Variants in MED12L observed in about 807,000 individuals in gnomAD.
The protein encoded by MED12L is mediator of RNA polymerase II transcription subunit 12-like protein.
A neutral mutation model predicts 281.3 loss-of-function variants in MED12L; 60 were observed. The ratio of observed to expected loss-of-function variants is 0.21; its 90% CI spans 0.17 to 0.26. MED12L has a LOEUF of 0.26. Among genes scored for constraint, MED12L ranks in the 10% least tolerant of loss-of-function variants. The pLI is 1.00. For synonymous variants in MED12L, 974 were observed against 987.2 expected (o/e 0.99, Z 0.25); for missense variants, 2,146 against 2,680.9 (o/e 0.80, Z 4.41).
chr3:151,293,638 T>TACAC (rs199892582), intron 16 of MED12L, among the ~76,000 whole-genome samples: 2,170 of 99,596 alleles, frequency 0.022, 50 homozygotes, highest in African/African-American at 0.047. Context: ...ATGAAGCCCT[T>TACAC]ACACACACAC....
At position 151,436,131 on chromosome 3, in the gene MED12L, A is replaced by AT. The variant is rs1190161028; in HGVS notation, c.*3332dup. On this transcript the variant is annotated 3_prime_UTR_variant, in exon 45 of 45. Coordinates refer to ENST00000687756, the MANE Select transcript of MED12L (RefSeq NM_001393769.1). ...TATTTTTAAATGCAGTTATTAAAAC[A>AT]TTTTTGTATTCCCCATCAATGAAAA... The AT allele has an allele frequency of 6.6e-6, 1 of 152,284 alleles. No homozygotes were observed. Among genetic ancestry groups the AT allele is most frequent in the Non-Finnish European group, 1.5e-5 (1 of 68,096 alleles). The allele number at this position is 152,284 out of a possible 1,614,324, so 9.4% of individuals were successfully genotyped here.
chr3:151,311,721 A>G (rs771666444), intron 16 of MED12L, among the ~76,000 whole-genome samples: 36 of 152,268 alleles, frequency 2.4e-4, no homozygotes, highest in Non-Finnish European at 3.4e-4. Flanking sequence ...CTATATAAAT[A>G]TATCTAGTAA....
intron 5 of MED12L, among the ~76,000 whole-genome samples, chr3:151,138,283 C>G (rs1340631108): frequency 6.6e-6 from 1 of 151,630 alleles, no homozygotes; most frequent in African/African-American, 2.4e-5. Flanking sequence ...TTTGGCCAGT[C>G]CCTTGTTTTT....
At chr3:151,340,538 C>T (rs1164088472) in intron 16 of MED12L, 1 of 152,510 alleles carries the variant, frequency 6.6e-6, no homozygotes, top group African/African-American at 2.4e-5. Flanking sequence ...AAAAAATGTA[C>T]ACACATATCA....
At chr3:151,348,843 C>T (rs1445269434) in intron 16 of MED12L, among the ~76,000 whole-genome samples, 1 of 152,158 alleles carries the variant, frequency 6.6e-6, no homozygotes, top group Non-Finnish European at 1.5e-5. Context: ...GTGCAGAGTA[C>T]ACATGTGAAG....
chr3:151,138,079 T>A (rs888807789), intron 5 of MED12L, among the ~76,000 whole-genome samples: 2 of 152,212 alleles, frequency 1.3e-5, no homozygotes, highest in African/African-American at 4.8e-5. Context: ...TCTTCCAGTT[T>A]TTATTTTTGC....
At chr3:151,350,291 A>G in intron 17 of MED12L, 85 bp downstream of exon 17, 7 of 1,344,536 alleles carry the variant, frequency 5.2e-6, no homozygotes, top group Non-Finnish European at 7.2e-6. Context: ...GTTCTATGTC[A>G]CTGTCAACAG....
chr3:151,360,487 G>A lies in MED12L; in HGVS notation c.2839G>A (p.Val947Ile). ...AQVFEGLCGV[V>I]KHVVNPSECS... ...TTTTCTCCTCAGGTTGTGTGGTGTG[G>A]TCAAGCATGTCGTAAACCCCTCAGA... The change falls in exon 21 of 45, where the codon GTC becomes ATC. Residue 947 changes from valine (V) to isoleucine (I), a missense_variant. Val to Ile is a conservative substitution (Grantham distance 29). Transcript: ENST00000687756. 6.2e-7 allele frequency: 1 copy of A among 1,612,440 alleles called. No individual in the cohort carries two copies.
chr3:151,185,540 C>G, intron 12 of MED12L, 79 bp downstream of exon 12: 1 of 1,461,142 alleles, frequency 6.8e-7, no homozygotes, highest in Non-Finnish European at 9.3e-7. Context: ...TTCTCTTACC[C>G]TCATTATGTT....
At chr3:151,367,587 T>A (rs1037263091) in intron 23 of MED12L, 59 bp from the exon 24 acceptor site, 81 of 1,487,304 alleles carry the variant, frequency 5.4e-5, no homozygotes, top group Admixed American at 8.1e-5. Context: ...TAGTTATTAA[T>A]CTTAGATACT....
rs57232147 is a variant in MED12L, at chr3:151,133,598, G to A, written c.556+5614G>A. ...AGTTTGTAATTCTTAGTCCTTGTGA[G>A]ACCTGAAAAAAAAAAAAGGTTTAGG... On this transcript the variant is annotated intron_variant, in intron 5 of 44. Transcript: ENST00000687756. Among the ~76,000 whole-genome samples, 1,494 of 150,080 alleles carry A rather than the reference G, an allele frequency of 1.0e-2. 28 individuals are homozygous for A. Among genetic ancestry groups the A allele is most frequent in the African/African-American group, 0.035 (1,419 of 40,904 alleles).
At position 151,383,735 on chromosome 3, in the gene MED12L, C is replaced by T. The variant is rs757242548; in HGVS notation, c.4681-44C>T. 18 of 1,310,698 alleles carry T rather than the reference C, an allele frequency of 1.4e-5. No homozygotes were observed. In the African/African-American group the frequency reaches 2.4e-4, roughly 17 times the overall value. The allele number at this position is 1,310,698 out of a possible 1,614,324, so 81.2% of individuals were successfully genotyped here. A position where few individuals can be genotyped will look rare whatever the true frequency, so the allele number is the denominator to read the frequency against. On this transcript the variant is annotated intron_variant, in intron 33 of 44. Transcript: ENST00000687756. ...AACATAAAGCAATGGGGTGTTCTTT[C>T]TGTTTTACAGAATGCAAATATCTTA...
chr3:151,198,678 C>G, intron 16 of MED12L: 4 of 1,614,130 alleles, frequency 2.5e-6, no homozygotes, highest in Non-Finnish European at 3.4e-6. Context: ...TGGTAAGGAA[C>G]AAAGCATATG....
chr3:151,214,352 T>G, intron 16 of MED12L: 1 of 1,571,394 alleles, frequency 6.4e-7, no homozygotes, highest in Non-Finnish European at 8.7e-7. Context: ...TGAAAAGAGG[T>G]GTGAACTGGT....
At chr3:151,375,037 G>A (rs1310858270) in intron 27 of MED12L, among the ~76,000 whole-genome samples, 1 of 152,204 alleles carries the variant, frequency 6.6e-6, no homozygotes, top group African/African-American at 2.4e-5. Flanking sequence ...TATAACTATG[G>A]TAAAAGATAG....
At position 151,360,569 on chromosome 3, in the gene MED12L, G is replaced by A; in HGVS notation, c.2921G>A (p.Cys974Tyr). 6.2e-7 allele frequency: 1 copy of A among 1,612,794 alleles called. No individual in the cohort carries two copies. Among genetic ancestry groups the A allele is most frequent in the Non-Finnish European group, 8.5e-7 (1 of 1,179,112 alleles). ...LAYLYDLYVSCSHLRSKFGDL... is the reference protein window; with the variant it reads ...LAYLYDLYVSYSHLRSKFGDL... Reference sequence around the variant, plus strand: ...TACCTCTATGATCTCTATGTGTCATGTAGCCACCTCAGAAGTAAATTTGGA... The same window carrying A: ...TACCTCTATGATCTCTATGTGTCATATAGCCACCTCAGAAGTAAATTTGGA... Residue 974 changes from cysteine (C) to tyrosine (Y), a missense_variant, in exon 21 of 45, where the codon TGT (cysteine) becomes TAT (tyrosine). Transcript: ENST00000687756.
At chr3:151,343,906 T>A (rs1275664640) in intron 16 of MED12L, among the ~76,000 whole-genome samples, 1 of 152,170 alleles carries the variant, frequency 6.6e-6, no homozygotes, top group African/African-American at 2.4e-5. Context: ...TTAGGCTGTT[T>A]TAGTTCCAGT....
Position 151,207,322 on chromosome 3 carries a change from A to G in MED12L, c.2250+13656A>G, listed in dbSNP as rs139091424. Among the ~76,000 whole-genome samples the G allele has an allele frequency of 1.4e-3, 209 of 152,300 alleles. 1 individual carries two copies. The highest frequency in any genetic ancestry group is 4.8e-3 in the African/African-American group (201 of 41,558). ...GAGCTCTTATCCTGGAGAATATTTT[A>G]TGCTTTGTACAGGAATGAAAAGGAA... On this transcript the variant is annotated intron_variant, in intron 16 of 44. Coordinates refer to ENST00000687756, the MANE Select transcript of MED12L (RefSeq NM_001393769.1).
chr3:151,311,333 G>GTATA (rs563197003), intron 16 of MED12L, among the ~76,000 whole-genome samples: 2 of 150,912 alleles, frequency 1.3e-5, no homozygotes, highest in African/African-American at 2.4e-5. Context: ...GTGTGTGTGT[G>GTATA]TATATATATA....
Sources: gnomAD v4.1 joint callset for allele counts (sites outside exome capture counted in the v4.1 genomes callset) on GRCh38, gnomAD v4.1.1 for gene constraint, MANE v1.5 for transcripts, NCBI Gene and HGNC (gene_info 2026-07-23, HGNC 2026-07-21) for gene names.